EGFLAM: variants seen among roughly 807,000 people sequenced by gnomAD.
The protein encoded by EGFLAM is EGF like, fibronectin type III and laminin G domains, also known as pikachurin.
EGFLAM carries 79 observed loss-of-function variants against 113.1 expected under a neutral mutation model. The ratio of observed to expected loss-of-function variants is 0.70; its 90% CI spans 0.58 to 0.84. EGFLAM has a LOEUF of 0.84. EGFLAM is among the 40% of genes least tolerant of loss of function. The pLI, the probability that EGFLAM is intolerant of heterozygous loss-of-function variation, is 0.00. For missense variants in EGFLAM, 1,265 were observed against 1,291.6 expected (o/e 0.98, Z 0.32); for synonymous variants, 504 against 487.6 (o/e 1.03, Z -0.44).
chr5:38,432,597 A>C (rs1742222212), intron 15 of EGFLAM, among the ~76,000 whole-genome samples: 1 of 152,332 alleles, frequency 6.6e-6, no homozygotes, highest in South Asian at 2.1e-4. Flanking sequence ...CTAACAGCCG[A>C]CTTTAGTCCA....
chr5:38,430,134 G>T, intron 14 of EGFLAM: 1 of 217,782 alleles, frequency 4.6e-6, no homozygotes, highest in South Asian at 8.1e-5. Context: ...ACCACCACCA[G>T]TTTCCCAGGT....
intron 1 of EGFLAM, among the ~76,000 whole-genome samples, chr5:38,285,367 C>A (rs1189531077): frequency 2.0e-5 from 3 of 152,268 alleles, no homozygotes; most frequent in African/African-American, 7.2e-5. Context: ...TTTCATTCAT[C>A]TACAAAATAA....
At position 38,370,395 on chromosome 5, in the gene EGFLAM, C is replaced by A. The variant is rs139882517; in HGVS notation, c.645C>A (p.Ala215=). Residue 215 remains alanine (A), a synonymous_variant, in exon 6 of 22, where the codon GCC becomes GCA. Transcript: ENST00000322350. ...ATCCAGATACCAACTACCAGTTTGC[C>A]GTGAGGGCAATGAATTCCCATGGCC... is the stretch of plus-strand genomic sequence containing the variant. ...GLDPDTNYQF[A]VRAMNSHGPS... 4.8e-5 allele frequency: 78 copies of A among 1,614,068 alleles called. No individual in the cohort carries two copies. In the African/African-American group the frequency reaches 8.3e-4, roughly 17 times the overall value.
intron 1 of EGFLAM, among the ~76,000 whole-genome samples, chr5:38,284,721 G>A (rs1579725361): frequency 6.6e-6 from 1 of 152,236 alleles, no homozygotes; most frequent in African/African-American, 2.4e-5. Context: ...CAAAGACTGG[G>A]TTGTTGTAAT....
intron 16 of EGFLAM, among the ~76,000 whole-genome samples, chr5:38,437,248 T>TA (rs1244977435): frequency 6.6e-6 from 1 of 152,186 alleles, no homozygotes; most frequent in Non-Finnish European, 1.5e-5. Context: ...GTTTCACTTT[T>TA]GTTTCTTAAG....
chr5:38,431,676 A>G (rs1241847032), intron 15 of EGFLAM, among the ~76,000 whole-genome samples: 1 of 152,182 alleles, frequency 6.6e-6, no homozygotes, highest in African/African-American at 2.4e-5. Flanking sequence ...ACAGGCTGTA[A>G]GTCCAGACTC....
At chr5:38,352,095 T>C in intron 4 of EGFLAM, 101 bp from the exon 5 acceptor site, 6 of 1,541,332 alleles carry the variant, frequency 3.9e-6, no homozygotes, top group Middle Eastern at 2.3e-4. Context: ...ATGTATTATA[T>C]TAAACGTCTC....
intron 3 of EGFLAM, chr5:38,345,494 T>G (rs1422149993): frequency 6.6e-6 from 1 of 152,144 alleles, no homozygotes; most frequent in Non-Finnish European, 1.5e-5. Context: ...ACCAGCGGTG[T>G]TGAGCAGACA....
intron 1 of EGFLAM, among the ~76,000 whole-genome samples, chr5:38,268,582 A>G (rs1038738236): frequency 3.3e-5 from 5 of 152,156 alleles, no homozygotes; most frequent in African/African-American, 1.2e-4. Context: ...ACATCACCAA[A>G]TTTACAGCAG....
chr5:38,446,529 C>T (rs1742719330), intron 17 of EGFLAM, among the ~76,000 whole-genome samples: 1 of 152,104 alleles, frequency 6.6e-6, no homozygotes, highest in South Asian at 2.1e-4. Context: ...TCTCCTCTTC[C>T]TCCTACCTCC....
At chr5:38,299,917 A>G (rs1023053093) in intron 1 of EGFLAM, among the ~76,000 whole-genome samples, 2 of 152,210 alleles carry the variant, frequency 1.3e-5, no homozygotes, top group African/African-American at 4.8e-5. Flanking sequence ...TGCCTTAATG[A>G]ACAAAAACAG....
intron 17 of EGFLAM, among the ~76,000 whole-genome samples, chr5:38,440,645 C>T (rs1009383971): frequency 6.6e-6 from 1 of 152,306 alleles, no homozygotes; most frequent in Non-Finnish European, 1.5e-5. Flanking sequence ...AATCCTGTCT[C>T]ATCCAGCAAG....
chr5:38,416,056 G>GT lies in EGFLAM; in HGVS notation c.1495-2000dup, dbSNP rs57387334. On this transcript the variant is annotated intron_variant, in intron 11 of 21. Coordinates refer to ENST00000322350, the MANE Select transcript of EGFLAM (RefSeq NM_152403.4). ...AGACACAGCCAAGCCATATCATCAT[G>GT]TTTTTTTTTTAAAAAAATAAGTAAT... Among the ~76,000 whole-genome samples, 309 of 150,856 alleles carry GT rather than the reference G, an allele frequency of 2.0e-3. 1 individual carries two copies. Among genetic ancestry groups the GT allele is most frequent in the Middle Eastern group, 0.01 (3 of 290 alleles).
At chr5:38,403,055 C>T (rs1418685682) in intron 6 of EGFLAM, among the ~76,000 whole-genome samples, 3 of 152,106 alleles carry the variant, frequency 2.0e-5, no homozygotes, top group Admixed American at 6.5e-5. Flanking sequence ...TCTTTTACTA[C>T]CAAATGGATT....
chr5:38,457,565 A>G (rs1408485311), intron 19 of EGFLAM, among the ~76,000 whole-genome samples: 1 of 152,062 alleles, frequency 6.6e-6, no homozygotes, highest in Non-Finnish European at 1.5e-5. Context: ...GATACCAGTT[A>G]TATTGGATCC....
intron 17 of EGFLAM, among the ~76,000 whole-genome samples, chr5:38,442,246 C>CTTTAATATAA (rs1245610689): frequency 6.7e-6 from 1 of 149,656 alleles, no homozygotes; most frequent in Non-Finnish European, 1.5e-5. Context: ...GGGAATTTCT[C>CTTTAATATAA]TTTAATATAA....
intron 1 of EGFLAM, among the ~76,000 whole-genome samples, chr5:38,269,690 T>C (rs1035771911): frequency 6.6e-6 from 1 of 152,024 alleles, no homozygotes; most frequent in Non-Finnish European, 1.5e-5. Context: ...GGGGTTTCAC[T>C]GTGTTAGCCA....
chr5:38,336,566 T>A (rs188079703), intron 1 of EGFLAM, among the ~76,000 whole-genome samples: 1,324 of 96,660 alleles, frequency 0.014, 23 homozygotes, highest in African/African-American at 0.074. Flanking sequence ...AGAGTGAGAC[T>A]CCGTACACAC....
chr5:38,414,030 C>A (rs73749228), intron 11 of EGFLAM, among the ~76,000 whole-genome samples: 1 of 152,050 alleles, frequency 6.6e-6, no homozygotes, highest in African/African-American at 2.4e-5. Context: ...CCTTCTGCTG[C>A]GCACCCTGCT....
Sources: allele counts gnomAD v4.1 joint callset (sites outside exome capture counted in the v4.1 genomes callset), GRCh38; gene constraint gnomAD v4.1.1; transcripts MANE v1.5; gene names NCBI Gene and HGNC (gene_info 2026-07-23, HGNC 2026-07-21).